The following DNAH17 variants were observed in gnomAD, a reference collection of about 807,000 sequenced individuals.
The protein encoded by DNAH17 is dynein axonemal heavy chain 17, also known as axonemal beta dynein heavy chain 17.
Under a neutral mutation model 485.6 loss-of-function variants are expected in DNAH17, and 376 were observed. The ratio of observed to expected loss-of-function variants is 0.77; its 90% CI spans 0.71 to 0.84. DNAH17 has a LOEUF of 0.84. DNAH17 is among the 40% of genes least tolerant of loss of function. DNAH17 has a pLI of 0.00. For missense variants in DNAH17, 6,370 were observed against 5,839.3 expected (o/e 1.09, Z -2.96); for synonymous variants, 3,031 against 2,405.9 (o/e 1.26, Z -7.60).
Position 78,528,989 on chromosome 17 carries a change from G to C in DNAH17, c.3507+483C>G, listed in dbSNP as rs117062583. Among the ~76,000 whole-genome samples, 881 of 151,358 alleles carry C rather than the reference G, an allele frequency of 5.8e-3. 20 individuals carry two copies. The highest frequency in any genetic ancestry group is 0.039 in the East Asian group (201 of 5,128). On this transcript the variant is annotated intron_variant, in intron 22 of 80. Coordinates refer to ENST00000389840, the MANE Select transcript of DNAH17 (RefSeq NM_173628.4). Reference sequence around the variant, plus strand: ...TTAAGACAGAATCTCTGTCGCCCAGGCTGGAGTGCAGTGGTGCGATCTCAG... The same window carrying C: ...TTAAGACAGAATCTCTGTCGCCCAGCCTGGAGTGCAGTGGTGCGATCTCAG...
At chr17:78,506,446 G>A (rs1021204182) in intron 30 of DNAH17, among the ~76,000 whole-genome samples, 7 of 152,122 alleles carry the variant, frequency 4.6e-5, no homozygotes, top group Non-Finnish European at 1.0e-4. Flanking sequence ...TCTGGCATAC[G>A]ACCCATTTTC....
intron 16 of DNAH17, among the ~76,000 whole-genome samples, chr17:78,547,516 G>T (rs746454641): frequency 3.9e-5 from 6 of 152,026 alleles, no homozygotes; most frequent in Non-Finnish European, 8.8e-5. Flanking sequence ...ATCTGGCCTG[G>T]AAATCAGTTA....
chr17:78,502,963 G>A lies in DNAH17; in HGVS notation c.5005C>T (p.Arg1669Trp), dbSNP rs781676770. 29 of 1,613,766 alleles carry A rather than the reference G, an allele frequency of 1.8e-5. No homozygotes were observed. The highest frequency in any genetic ancestry group is 6.7e-5 in the East Asian group (3 of 44,888). ...RVLDRMCSTL[R>W]HEIPEAVVTY... ...ACCACGGCCTCTGGGATTTCGTGCC[G>A]GAGGGTAGAGCACATTCGGTCCAGC... The change falls in exon 32 of 81, where the codon CGG becomes TGG. Residue 1669 changes from arginine (R) to tryptophan (W), a missense_variant. Transcript: ENST00000389840.
At chr17:78,450,479 G>A (rs111703943) in intron 67 of DNAH17, 85 bp from the exon 68 acceptor site, 43 of 1,548,884 alleles carry the variant, frequency 2.8e-5, no homozygotes, top group Admixed American at 2.6e-4. Flanking sequence ...CACCAGCCTC[G>A]CTCCCTGGGA....
Position 78,450,829 on chromosome 17 carries a change from A to T in DNAH17, c.10752T>A (p.Ser3584=), listed in dbSNP as rs763662315. 6.2e-7 allele frequency: 1 copy of T among 1,613,984 alleles called. No individual in the cohort carries two copies. Among genetic ancestry groups the T allele is most frequent in the Non-Finnish European group, 8.5e-7 (1 of 1,179,890 alleles). ...LEQLKANLTK[S]QNEFKIVLKE... ...TCAGAACAATCTTAAATTCGTTTTGAGACTTGGTGAGGTTTGCCTGCAAGG... is the reference window on the plus strand; with the variant it reads ...TCAGAACAATCTTAAATTCGTTTTGTGACTTGGTGAGGTTTGCCTGCAAGG... Residue 3584 remains serine (S), a synonymous_variant, in exon 67 of 81, where the codon TCT becomes TCA. Coordinates refer to ENST00000389840, the MANE Select transcript of DNAH17 (RefSeq NM_173628.4).
chr17:78,427,252 G>GT, intron 77 of DNAH17, 144 bp from the exon 78 acceptor site: 1 of 751,062 alleles, frequency 1.3e-6, no homozygotes, highest in Non-Finnish European at 2.2e-6. Context: ...GAAATGCAGG[G>GT]TCATGGGTGC....
At chr17:78,456,053 C>T (rs1187464184) in intron 62 of DNAH17, among the ~76,000 whole-genome samples, 1 of 152,048 alleles carries the variant, frequency 6.6e-6, no homozygotes, top group Non-Finnish European at 1.5e-5. Flanking sequence ...AATCCCAGCA[C>T]TTTGGGAGGC....
intron 54 of DNAH17, chr17:78,472,579 A>G: frequency 2.9e-6 from 1 of 341,022 alleles, no homozygotes; most frequent in South Asian, 2.0e-5. Flanking sequence ...GGCTGGGGTG[A>G]AGGTTTCACA....
intron 38 of DNAH17, 54 bp from the exon 39 acceptor site, chr17:78,495,151 A>C (rs1598582429): frequency 2.6e-6 from 4 of 1,515,434 alleles, no homozygotes; most frequent in East Asian, 4.8e-5. Flanking sequence ...CCCAACCTAC[A>C]CCCCTGCCTG....
intron 62 of DNAH17, 26 bp from the exon 63 acceptor site, chr17:78,455,862 AC>A: frequency 6.5e-7 from 1 of 1,544,878 alleles, no homozygotes; most frequent in Non-Finnish European, 8.7e-7. Context: ...AGAGAATAAA[AC>A]ATATTTGCAC....
intron 18 of DNAH17, among the ~76,000 whole-genome samples, chr17:78,538,222 C>G (rs1302870089): frequency 6.6e-6 from 1 of 150,890 alleles, no homozygotes; most frequent in African/African-American, 2.4e-5. Context: ...GAATCACTGA[C>G]ACACAAAGCA....
At chr17:78,425,928 G>A (rs2086436574) in intron 79 of DNAH17, among the ~76,000 whole-genome samples, 1 of 152,096 alleles carries the variant, frequency 6.6e-6, no homozygotes, top group African/African-American at 2.4e-5. Flanking sequence ...ACCATGCCCA[G>A]CTTATTTTTG....
At chr17:78,450,957 G>A in intron 66 of DNAH17, 111 bp from the exon 67 acceptor site, 1 of 1,381,568 alleles carries the variant, frequency 7.2e-7, no homozygotes, top group Non-Finnish European at 1.0e-6. Flanking sequence ...TTGAGCGGGA[G>A]GAACGAGCTC....
At position 78,559,119 on chromosome 17, in the gene DNAH17, C is replaced by T. The variant is rs143839020; in HGVS notation, c.2032-865G>A. Reference sequence around the variant, plus strand: ...TCATCCAACGTTATAGCTGCCTTGACCAGCCAGCCCATTTGTCATCTCCGC... The same window carrying T: ...TCATCCAACGTTATAGCTGCCTTGATCAGCCAGCCCATTTGTCATCTCCGC... On this transcript the variant is annotated intron_variant, in intron 13 of 80. Transcript: ENST00000389840. 7.9e-5 allele frequency among the ~76,000 whole-genome samples: 12 copies of T among 152,334 alleles called. No homozygotes were observed. In the East Asian group the frequency reaches 2.3e-3, roughly 29 times the overall value.
chr17:78,562,302 G>A (rs2092174173), intron 11 of DNAH17, among the ~76,000 whole-genome samples: 2 of 152,130 alleles, frequency 1.3e-5, no homozygotes, highest in South Asian at 4.1e-4. Context: ...TTAAAAAATA[G>A]GCTGAGCACC....
intron 18 of DNAH17, among the ~76,000 whole-genome samples, chr17:78,539,041 G>A (rs2091453623): frequency 6.6e-6 from 1 of 152,110 alleles, no homozygotes; most frequent in Non-Finnish European, 1.5e-5. Flanking sequence ...GACCAGCCTG[G>A]CTAAGATGGT....
At chr17:78,459,750 G>C (rs774544622) in intron 60 of DNAH17, 34 bp downstream of exon 60, 1 of 1,610,918 alleles carries the variant, frequency 6.2e-7, no homozygotes, top group Non-Finnish European at 8.5e-7. Flanking sequence ...GAATCGGAGG[G>C]AAGCCCCGGC....
intron 46 of DNAH17, 83 bp downstream of exon 46, chr17:78,485,877 A>G: frequency 1.3e-6 from 2 of 1,575,382 alleles, no homozygotes; most frequent in South Asian, 1.2e-5. Context: ...GTGTTTGGAC[A>G]TTCCGTGCAG....
Position 78,441,146 on chromosome 17 carries a change from T to C in DNAH17, c.11582A>G (p.Glu3861Gly). Residue 3861 changes from glutamate to glycine, a missense_variant, in exon 72 of 81, where the codon GAG becomes GGG. Glu to Gly is a moderately conservative substitution (Grantham distance 98, BLOSUM62 -2). Coordinates refer to ENST00000389840, the MANE Select transcript of DNAH17 (RefSeq NM_173628.4). Reference protein sequence around the residue: ...GSKFVEGRSVEFSKSYEESSP... With the variant: ...GSKFVEGRSVGFSKSYEESSP... ...GCTCTCCTCGTAGGACTTAGAAAAC[T>C]CAACACTCCGGCCTTCCACGAACTT... The C allele has an allele frequency of 3.1e-6, 5 of 1,613,902 alleles. No homozygotes were observed. Among genetic ancestry groups the C allele is most frequent in the Non-Finnish European group, 4.2e-6 (5 of 1,179,886 alleles).
Sources: gnomAD v4.1 joint callset for allele counts (sites outside exome capture counted in the v4.1 genomes callset) on GRCh38, gnomAD v4.1.1 for gene constraint, MANE v1.5 for transcripts, NCBI Gene and HGNC (gene_info 2026-07-23, HGNC 2026-07-21) for gene names.